Variants in DCBLD1 observed in about 807,000 individuals in gnomAD.
DCBLD1 encodes the protein discoidin, CUB and LCCL domain containing 1.
A neutral mutation model predicts 71.5 loss-of-function variants in DCBLD1; 57 were observed. The ratio of observed to expected loss-of-function variants is 0.80; its 90% CI spans 0.64 to 0.99. The LOEUF (loss-of-function observed/expected upper bound fraction) is 0.99. Among genes scored for constraint, DCBLD1 ranks in the 50% least tolerant of loss-of-function variants. DCBLD1 has a pLI of 0.00. For synonymous variants in DCBLD1, 380 were observed against 363.8 expected (o/e 1.04, Z -0.51); for missense variants, 891 against 923.5 (o/e 0.96, Z 0.46).
At chr6:117,525,515 G>A (rs965180107) in intron 5 of DCBLD1, 81 bp downstream of exon 5, 1 of 1,053,714 alleles carries the variant, frequency 9.5e-7, no homozygotes, top group Admixed American at 2.9e-5. Flanking sequence ...ACTGAGTAAA[G>A]TCAAATGAGA....
At chr6:117,522,268 C>T (rs1409561125) in intron 4 of DCBLD1, among the ~76,000 whole-genome samples, 2 of 152,104 alleles carry the variant, frequency 1.3e-5, no homozygotes, top group African/African-American at 2.4e-5. Flanking sequence ...CTGTCCTGTG[C>T]GTCGTTAGAT....
At chr6:117,500,330 C>T (rs934299098) in intron 1 of DCBLD1, among the ~76,000 whole-genome samples, 9 of 152,184 alleles carry the variant, frequency 5.9e-5, no homozygotes, top group African/African-American at 2.2e-4. Flanking sequence ...TAAATTAGGA[C>T]TCAGCACTTC....
At chr6:117,569,615 C>T in intron 14 of DCBLD1, 3 of 1,612,954 alleles carry the variant, frequency 1.9e-6, no homozygotes, top group Non-Finnish European at 2.5e-6. Context: ...CTTTGTGTCC[C>T]TTAGGTTAAC....
At chr6:117,533,150 T>TTC (rs1304433858) in intron 6 of DCBLD1, among the ~76,000 whole-genome samples, 1 of 152,196 alleles carries the variant, frequency 6.6e-6, no homozygotes, top group South Asian at 2.1e-4. Context: ...GCCACTGTAT[T>TTC]TCTCTCTCTC....
At chr6:117,521,619 G>A in intron 4 of DCBLD1, 43 bp downstream of exon 4, 1 of 1,508,140 alleles carries the variant, frequency 6.6e-7, no homozygotes, top group South Asian at 1.3e-5. Context: ...GTGTATTGCT[G>A]AACATTTTGT....
intron 1 of DCBLD1, 41 bp from the exon 2 acceptor site, chr6:117,503,726 A>T: frequency 6.3e-7 from 1 of 1,592,302 alleles, no homozygotes; most frequent in East Asian, 2.2e-5. Context: ...AGAATTAATG[A>T]CCCCTTCTTC....
At chr6:117,519,251 T>G (rs943520222) in intron 2 of DCBLD1, among the ~76,000 whole-genome samples, 6 of 152,242 alleles carry the variant, frequency 3.9e-5, no homozygotes, top group African/African-American at 1.4e-4. Context: ...TGTACTATAA[T>G]ATTTCAAAAT....
chr6:117,538,737 A>T lies in DCBLD1; in HGVS notation c.878A>T (p.Gln293Leu). The change falls in exon 8 of 15, where the codon CAG becomes CTG. Residue 293 changes from glutamine to leucine, a missense_variant. Physicochemically the swap from Gln to Leu is moderately radical, Grantham distance 113. Coordinates refer to ENST00000338728, the MANE Select transcript of DCBLD1 (RefSeq NM_001366458.2). ...TGGTCTCCTGGCCAAGCCCGACTTC[A>T]GGACCAAGGCCCATCATGGGCTTCG... ...VHWSPGQARLQDQGPSWASGD... is the reference protein window; with the variant it reads ...VHWSPGQARLLDQGPSWASGD... The T allele has an allele frequency of 6.2e-7, 1 of 1,614,228 alleles. No individual in the cohort carries two copies.
chr6:117,544,022 T>C (rs945633477), intron 12 of DCBLD1, among the ~76,000 whole-genome samples: 1 of 152,252 alleles, frequency 6.6e-6, no homozygotes, highest in African/African-American at 2.4e-5. Context: ...CTTCAGAATC[T>C]ATAATGTGTA....
intron 1 of DCBLD1, among the ~76,000 whole-genome samples, chr6:117,499,916 G>A (rs1426913348): frequency 6.6e-6 from 1 of 152,222 alleles, no homozygotes; most frequent in African/African-American, 2.4e-5. Flanking sequence ...TACTCAGGAG[G>A]CTGAGGCAGG....
intron 14 of DCBLD1, among the ~76,000 whole-genome samples, chr6:117,566,389 A>G (rs116269223): frequency 8.7e-4 from 133 of 152,298 alleles, no homozygotes; most frequent in African/African-American, 3.1e-3. Flanking sequence ...AATGATAGCA[A>G]AGGAACTAAA....
chr6:117,560,235 T>A (rs1048637972), intron 14 of DCBLD1: 1 of 168,864 alleles, frequency 5.9e-6, no homozygotes, highest in Admixed American at 6.4e-5. Flanking sequence ...GTACAAATAA[T>A]AGAACTACTA....
intron 2 of DCBLD1, among the ~76,000 whole-genome samples, chr6:117,513,668 G>A (rs957199119): frequency 1.1e-4 from 16 of 152,140 alleles, no homozygotes; most frequent in African/African-American, 3.6e-4. Flanking sequence ...AAAACACGTA[G>A]CACTGCTGGT....
intron 2 of DCBLD1, among the ~76,000 whole-genome samples, chr6:117,512,889 T>A (rs1327100508): frequency 6.6e-6 from 1 of 152,078 alleles, no homozygotes; most frequent in Non-Finnish European, 1.5e-5. Context: ...AAAAAAAAAA[T>A]CAGAAATAAT....
chr6:117,537,810 G>A (rs1778951726), intron 7 of DCBLD1, among the ~76,000 whole-genome samples: 1 of 150,566 alleles, frequency 6.6e-6, no homozygotes, highest in East Asian at 2.0e-4. Context: ...AGGACAATAA[G>A]CCTAATTAAC....
intron 12 of DCBLD1, 128 bp from the exon 13 acceptor site, chr6:117,544,400 C>A: frequency 1.4e-6 from 1 of 721,442 alleles, no homozygotes; most frequent in Non-Finnish European, 2.1e-6. Context: ...CACATGGCAG[C>A]TGCCATCTCA....
chr6:117,537,652 T>G, intron 7 of DCBLD1, among the ~76,000 whole-genome samples: 2 of 145,068 alleles, frequency 1.4e-5, no homozygotes, highest in Non-Finnish European at 1.5e-5. Flanking sequence ...TTTCTCAGGT[T>G]ACATAGCACC....
At position 117,548,641 on chromosome 6, in the gene DCBLD1, A is replaced by G; in HGVS notation, c.*202A>G. ...TGCAGCTGGTTTCGTGCTGACCCTTAGGGTGCGTCTGTTGGGTTTTGTTGG... is the reference window on the plus strand; with the variant it reads ...TGCAGCTGGTTTCGTGCTGACCCTTGGGGTGCGTCTGTTGGGTTTTGTTGG... On this transcript the variant is annotated 3_prime_UTR_variant, in exon 15 of 15. Coordinates refer to ENST00000338728, the MANE Select transcript of DCBLD1 (RefSeq NM_001366458.2). 7.0e-7 allele frequency: 1 copy of G among 1,425,098 alleles called. No individual in the cohort carries two copies. The highest frequency in any genetic ancestry group is 1.5e-5 in the South Asian group (1 of 65,668). 88.3% of individuals were successfully genotyped at this position (1,425,098 alleles called of 1,614,324 possible). A position where few individuals can be genotyped will look rare whatever the true frequency, so the allele number is the denominator to read the frequency against.
intron 2 of DCBLD1, among the ~76,000 whole-genome samples, chr6:117,511,075 T>C (rs1778004246): frequency 6.6e-6 from 1 of 152,074 alleles, no homozygotes; most frequent in Non-Finnish European, 1.5e-5. Context: ...GAGGCCCTGC[T>C]CAAATGCCCA....
Sources: allele counts gnomAD v4.1 joint callset (sites outside exome capture counted in the v4.1 genomes callset), GRCh38; gene constraint gnomAD v4.1.1; transcripts MANE v1.5; gene names NCBI Gene and HGNC (gene_info 2026-07-23, HGNC 2026-07-21).